The following BRD10 variants were observed in gnomAD, a reference collection of about 807,000 sequenced individuals.
BRD10 encodes bromodomain containing 10.
chr9:5,972,205 A>C, the BRD10 span, among the ~76,000 whole-genome samples: 9 of 152,182 alleles, frequency 5.9e-5, no homozygotes, highest in Non-Finnish European at 8.8e-5. Flanking sequence ...GAGGGATAGG[A>C]AGAAAGAATC....
the BRD10 span, chr9:6,007,440 C>G: frequency 1.9e-6 from 3 of 1,606,648 alleles, no homozygotes; most frequent in Non-Finnish European, 1.7e-6. Context: ...GCGGCCCTTC[C>G]GCCACCTCCT....
chr9:6,005,297 G>T, the BRD10 span, among the ~76,000 whole-genome samples: 3 of 152,162 alleles, frequency 2.0e-5, no homozygotes, highest in Non-Finnish European at 4.4e-5. Flanking sequence ...GATCACCTGA[G>T]GTCAGGAGCT....
chr9:5,914,143 T>G, the BRD10 span: 1 of 421,832 alleles, frequency 2.4e-6, no homozygotes, highest in Admixed American at 2.7e-5. Context: ...AAGTGGTTCC[T>G]GCTGTTCCAC....
the BRD10 span, among the ~76,000 whole-genome samples, chr9:5,931,411 C>T: frequency 2.0e-5 from 3 of 152,102 alleles, no homozygotes; most frequent in African/African-American, 7.2e-5. Context: ...AAAGTTTTTA[C>T]CTTTTATGTT....
At chr9:5,912,834 G>A in the BRD10 span, among the ~76,000 whole-genome samples, 5 of 152,228 alleles carry the variant, frequency 3.3e-5, no homozygotes. Flanking sequence ...GCAGGCCAGG[G>A]TAGGGACTAG....
chr9:5,989,673 G>T, the BRD10 span, among the ~76,000 whole-genome samples: 1 of 151,698 alleles, frequency 6.6e-6, no homozygotes, highest in African/African-American at 2.4e-5. Flanking sequence ...GGGACCACAG[G>T]CATGTGCCAC....
chr9:5,988,544 G>A, the BRD10 span: 3 of 1,610,788 alleles, frequency 1.9e-6, no homozygotes, highest in South Asian at 2.2e-5. Flanking sequence ...TCTCTCAAGT[G>A]CCTTGGAGAA....
At chr9:6,000,656 A>C in the BRD10 span, among the ~76,000 whole-genome samples, 1 of 135,890 alleles carries the variant, frequency 7.4e-6, no homozygotes, top group Admixed American at 7.3e-5. Flanking sequence ...ATGGAAGAAC[A>C]ATCTTTTTAA....
the BRD10 span, chr9:6,007,952 T>G: frequency 1.5e-3 from 1,948 of 1,307,750 alleles, 28 homozygotes; most frequent in African/African-American, 0.028. Flanking sequence ...GCGGGGGTCT[T>G]GAGCTCACCG....
At chr9:5,998,071 G>A in the BRD10 span, among the ~76,000 whole-genome samples, 1 of 152,112 alleles carries the variant, frequency 6.6e-6, no homozygotes, top group African/African-American at 2.4e-5. Flanking sequence ...CAATTTGGTG[G>A]ATGGTCAAAT....
chr9:5,908,491 T>G, the BRD10 span: 1 of 706,522 alleles, frequency 1.4e-6, no homozygotes, highest in Non-Finnish European at 2.4e-6. Context: ...AATTTAACAA[T>G]TACTTCACTG....
At chr9:6,006,409 A>G in the BRD10 span, among the ~76,000 whole-genome samples, 1 of 152,212 alleles carries the variant, frequency 6.6e-6, no homozygotes, top group East Asian at 1.9e-4. Flanking sequence ...CTCCCGAAAA[A>G]TTTAAACTTT....
chr9:6,007,389 G>A, the BRD10 span: 14 of 1,610,246 alleles, frequency 8.7e-6, no homozygotes, highest in African/African-American at 1.3e-5. Flanking sequence ...TGCCCTGTCC[G>A]GGCTGCTGCG....
the BRD10 span, chr9:6,008,327 G>C: frequency 1.0e-6 from 1 of 985,112 alleles, no homozygotes; most frequent in South Asian, 4.7e-5. Context: ...ACGGGGCCCG[G>C]CGACAACTGT....
the BRD10 span, among the ~76,000 whole-genome samples, chr9:5,934,422 G>C: frequency 6.8e-6 from 1 of 147,540 alleles, no homozygotes; most frequent in Non-Finnish European, 1.5e-5. Flanking sequence ...GCAGAGGTAC[G>C]ATGTCGGCTC....
At chr9:5,922,753 G>C in the BRD10 span, 1 of 1,613,960 alleles carries the variant, frequency 6.2e-7, no homozygotes, top group South Asian at 1.1e-5. Context: ...TCTTTACAGA[G>C]CTATTTTGAA....
the BRD10 span, among the ~76,000 whole-genome samples, chr9:5,999,356 T>C: frequency 6.6e-6 from 1 of 152,068 alleles, no homozygotes; most frequent in Non-Finnish European, 1.5e-5. Flanking sequence ...ATAAAACTAA[T>C]TTTTCCTGAT....
chr9:5,999,499 C>T, the BRD10 span, among the ~76,000 whole-genome samples: 16 of 151,904 alleles, frequency 1.1e-4, no homozygotes, highest in African/African-American at 3.6e-4. Flanking sequence ...TAGTTTTCTC[C>T]TTCTCTAATT....
chr9:5,889,300 CG>C, the BRD10 span, among the ~76,000 whole-genome samples: 1 of 152,154 alleles, frequency 6.6e-6, no homozygotes, highest in African/African-American at 2.4e-5. Flanking sequence ...TCTCATCAAC[CG>C]ACTACCACTT....
Sources: gnomAD v4.1 joint callset for allele counts (sites outside exome capture counted in the v4.1 genomes callset) on GRCh38, gnomAD v4.1.1 for gene constraint, MANE v1.5 for transcripts, NCBI Gene and HGNC (gene_info 2026-07-23, HGNC 2026-07-21) for gene names.